CCDC57: variants seen among roughly 807,000 people sequenced by gnomAD.
The protein encoded by CCDC57 is coiled-coil domain-containing protein 57.
A neutral mutation model predicts 118.9 loss-of-function variants in CCDC57; 118 were observed. The ratio of observed to expected loss-of-function variants is 0.99; its 90% CI spans 0.86 to 1.16. The LOEUF (loss-of-function observed/expected upper bound fraction) is 1.16. CCDC57 is among the 50% of genes most tolerant of loss of function. The pLI is 0.00. For missense variants in CCDC57, 1,300 were observed against 1,320.7 expected (o/e 0.98, Z 0.24); for synonymous variants, 527 against 532.9 (o/e 0.99, Z 0.15).
exon 6 of CCDC57, chr17:82,194,023 T>G: frequency 1.2e-6 from 2 of 1,613,074 alleles, no homozygotes; most frequent in South Asian, 2.2e-5. Flanking sequence ...GCTCCCCGGC[T>G]CGGCTCTGGA....
At chr17:82,128,424 C>T in intron 18 of CCDC57, 69 bp downstream of exon 17, 3 of 1,139,336 alleles carry the variant, frequency 2.6e-6, no homozygotes, top group Non-Finnish European at 1.3e-6. Context: ...GCCCAGAGCA[C>T]CCAGGCCCCG....
chr17:82,149,225 G>A (rs2041498678), intron 16 of CCDC57, among the ~76,000 whole-genome samples: 1 of 145,026 alleles, frequency 6.9e-6, no homozygotes, highest in Non-Finnish European at 1.5e-5. Context: ...GGATGGGTGG[G>A]TGGGTAGATG....
At chr17:82,102,688 G>A (rs1398193108) in intron 19 of CCDC57, among the ~76,000 whole-genome samples, 1 of 152,026 alleles carries the variant, frequency 6.6e-6, no homozygotes, top group Non-Finnish European at 1.5e-5. Context: ...TTCAAGACTA[G>A]CCTGGCCAAC....
chr17:82,140,971 CTTTTATTTA>C (rs973948972), intron 16 of CCDC57, among the ~76,000 whole-genome samples: 4 of 116,312 alleles, frequency 3.4e-5, no homozygotes, highest in African/African-American at 5.7e-5. Context: ...AAGCAAGAGG[CTTTTATTTA>C]TTTTATTTTA....
chr17:82,175,290 ATG>A (rs1254228741), intron 11 of CCDC57, among the ~76,000 whole-genome samples: 1 of 152,232 alleles, frequency 6.6e-6, no homozygotes, highest in African/African-American at 2.4e-5. Flanking sequence ...TTACCAGGCT[ATG>A]TCCCAGGACG....
intron 19 of CCDC57, among the ~76,000 whole-genome samples, chr17:82,102,709 C>T (rs772227675): frequency 1.6e-4 from 25 of 152,132 alleles, no homozygotes; most frequent in Non-Finnish European, 3.1e-4. Flanking sequence ...AATGGTGAAA[C>T]GCCGTCTCTA....
intron 3 of CCDC57, 37 bp downstream of exon 2, chr17:82,201,501 G>T: frequency 3.3e-6 from 5 of 1,526,356 alleles, no homozygotes; most frequent in Non-Finnish European, 4.4e-6. Flanking sequence ...GCCTCTGCCA[G>T]GCACTGCACA....
intron 8 of CCDC57, among the ~76,000 whole-genome samples, chr17:82,186,295 C>G (rs2046911684): frequency 6.6e-6 from 1 of 152,144 alleles, no homozygotes; most frequent in African/African-American, 2.4e-5. Flanking sequence ...TATTTACGGA[C>G]AGAAAACGAA....
intron 13 of CCDC57, among the ~76,000 whole-genome samples, chr17:82,167,510 C>T (rs2044150577): frequency 6.6e-6 from 1 of 152,110 alleles, no homozygotes; most frequent in South Asian, 2.1e-4. Context: ...ACCACCATGC[C>T]CAGCTAATTT....
At chr17:82,201,428 G>A in intron 3 of CCDC57, 110 bp downstream of exon 2, 1 of 1,321,164 alleles carries the variant, frequency 7.6e-7, no homozygotes, top group Non-Finnish European at 1.0e-6. Flanking sequence ...ATCAGCAGCG[G>A]GAGGAGGGGC....
chr17:82,106,880 C>T (rs1169978446), intron 19 of CCDC57, among the ~76,000 whole-genome samples: 1 of 152,338 alleles, frequency 6.6e-6, no homozygotes, highest in East Asian at 1.9e-4. Flanking sequence ...ATGGGGCCTT[C>T]CCAGGTCTGC....
At chr17:82,198,888 GA>G (rs1374475254) in intron 3 of CCDC57, among the ~76,000 whole-genome samples, 2 of 151,572 alleles carry the variant, frequency 1.3e-5, no homozygotes, top group East Asian at 3.9e-4. Flanking sequence ...AGCTACTCGG[GA>G]GGCTGAGGCA....
exon 13 of CCDC57, chr17:82,171,714 C>A (rs113064189): frequency 2.5e-6 from 4 of 1,612,044 alleles, no homozygotes; most frequent in Non-Finnish European, 3.4e-6. Context: ...TCGTCTCTGT[C>A]GAGGTGCGGA....
exon 13 of CCDC57, chr17:82,171,814 T>C: frequency 6.2e-7 from 1 of 1,613,824 alleles, no homozygotes; most frequent in Non-Finnish European, 8.5e-7. Flanking sequence ...AAACTTATGC[T>C]TTAGAGTTCG....
At chr17:82,176,576 C>A (rs1483795009) in intron 11 of CCDC57, among the ~76,000 whole-genome samples, 1 of 152,184 alleles carries the variant, frequency 6.6e-6, no homozygotes, top group African/African-American at 2.4e-5. Flanking sequence ...ACAGTGTGGG[C>A]TCCCAGAGCT....
At chr17:82,107,550 G>A (rs1301479032) in intron 19 of CCDC57, 1 of 470,862 alleles carries the variant, frequency 2.1e-6, no homozygotes, top group Non-Finnish European at 4.4e-6. Context: ...GCGTGCTTCT[G>A]GACCTGGCGC....
intron 19 of CCDC57, among the ~76,000 whole-genome samples, chr17:82,111,373 G>T (rs1383150056): frequency 6.9e-6 from 1 of 145,224 alleles, no homozygotes; most frequent in African/African-American, 2.6e-5. Flanking sequence ...AAGTGCCTAG[G>T]GCCCTTTTTT....
At chr17:82,113,334 G>C (rs996190421) in intron 19 of CCDC57, 9 of 703,602 alleles carry the variant, frequency 1.3e-5, no homozygotes, top group African/African-American at 1.2e-4. Context: ...GTGGGGCTGT[G>C]CATCCAGCCT....
intron 3 of CCDC57, among the ~76,000 whole-genome samples, chr17:82,199,805 C>T (rs2146873155): frequency 6.6e-6 from 1 of 152,274 alleles, no homozygotes; most frequent in Middle Eastern, 3.4e-3. Flanking sequence ...AGCTGACCTC[C>T]AGCTCAACTC....
Sources: gnomAD v4.1 joint callset for allele counts (sites outside exome capture counted in the v4.1 genomes callset) on GRCh38, gnomAD v4.1.1 for gene constraint, MANE v1.5 for transcripts, NCBI Gene and HGNC (gene_info 2026-07-23, HGNC 2026-07-21) for gene names.